WNK2: variants seen among roughly 807,000 people sequenced by gnomAD.
The protein encoded by WNK2 is WNK lysine deficient protein kinase 2.
Under a neutral mutation model 192.1 loss-of-function variants are expected in WNK2, and 67 were observed. The observed-to-expected ratio is 0.35, with a 90% CI of 0.29 to 0.43. The LOEUF (loss-of-function observed/expected upper bound fraction) is 0.43, where lower values mean the gene tolerates loss of function less well. Ranked by LOEUF, WNK2 falls within the 20% of genes least tolerant of loss-of-function variation. The pLI is 1.00. For synonymous variants in WNK2, 1,439 were observed against 1,393.9 expected, an observed-to-expected ratio of 1.03 and a Z score of -0.72; for missense variants, 2,698 against 3,089.7, an observed-to-expected ratio of 0.87 and a Z score of 3.01.
chr9:93,214,769 T>C (rs1220550368), intron 2 of WNK2, among the ~76,000 whole-genome samples: 2 of 149,036 alleles, frequency 1.3e-5, no homozygotes, highest in East Asian at 2.0e-4. Flanking sequence ...AGGAGTTTTA[T>C]ACTGTAATAT....
chr9:93,318,103 T>A, intron 29 of WNK2: 1 of 1,582,200 alleles, frequency 6.3e-7, no homozygotes, highest in Non-Finnish European at 8.6e-7. Context: ...GTCGTCACCC[T>A]GCAGAAGTAC....
At chr9:93,297,429 C>T (rs2134016358) in intron 23 of WNK2, among the ~76,000 whole-genome samples, 1 of 152,336 alleles carries the variant, frequency 6.6e-6, no homozygotes, top group Non-Finnish European at 1.5e-5. Context: ...AGCTGCCTTC[C>T]ACTGTCTGTT....
In WNK2 at chr9:93,289,173, G is replaced by A; in HGVS notation, c.4419G>A (p.Glu1473=). The A allele has an allele frequency of 6.2e-7, 1 of 1,600,284 alleles. No homozygotes were observed. Among genetic ancestry groups the A allele is most frequent in the Non-Finnish European group, 8.5e-7 (1 of 1,174,924 alleles). The change falls in exon 20 of 30, where the codon GAG becomes GAA. Residue 1473 remains glutamate (E), a synonymous_variant. Transcript: ENST00000427277. The part of the protein sequence containing the change: ...ASTRDASAPR[E]PLPPPAPEPS... ...CCAGGGACGCCAGTGCCCCAAGGGA[G>A]CCCCTGCCACCTCCTGCACCTGAGC... is the stretch of plus-strand genomic sequence containing the variant.
chr9:93,258,086 A>C (rs1443106707), intron 11 of WNK2, among the ~76,000 whole-genome samples: 1 of 152,220 alleles, frequency 6.6e-6, no homozygotes, highest in Non-Finnish European at 1.5e-5. Flanking sequence ...GACGTTAGGC[A>C]GCTTCAGGGT....
rs1412358536 is a variant in WNK2, at chr9:93,221,222, C to T, written c.682-8474C>T. On this transcript the variant is annotated intron_variant, in intron 2 of 29. Coordinates refer to ENST00000427277, the MANE Select transcript of WNK2 (RefSeq NM_006648.4). Reference sequence around the variant, plus strand: ...GGGACCCCCGACCTTCCCTGGACCTCCCCTTGCTGCTGGCTCTTATGCTGG... The same window carrying T: ...GGGACCCCCGACCTTCCCTGGACCTTCCCTTGCTGCTGGCTCTTATGCTGG... Among the ~76,000 whole-genome samples the T allele has an allele frequency of 5.9e-5, 9 of 152,234 alleles. No homozygotes were observed. In the South Asian group the frequency reaches 1.9e-3, roughly 32 times the overall value.
Position 93,289,283 on chromosome 9 carries a change from C to A in WNK2, c.4529C>A (p.Ala1510Asp). ...GCCGCAGTGGGGGCCGTCAGCCTGG[C>A]CACCTCCCAGCTCCCAAGCCCACCC... ...LPAAVGAVSLATSQLPSPPLG... is the reference protein window; with the variant it reads ...LPAAVGAVSLDTSQLPSPPLG... Residue 1510 changes from alanine (A) to aspartate (D), a missense_variant, in exon 20 of 30, where the codon GCC (alanine) becomes GAC (aspartate). By Grantham distance (126) the Ala-to-Asp change is moderately radical. Around this residue, in one of 7 missense-constraint regions of WNK2, gnomAD observed 1,098 missense variants for 1,101.0 expected, o/e 1.00. Transcript: ENST00000427277. 6.3e-7 allele frequency: 1 copy of A among 1,599,394 alleles called. No homozygotes were observed.
rs1346180995 is a variant in WNK2, at chr9:93,256,933, C to T, written c.2191-15C>T. On this transcript the variant is annotated splice_polypyrimidine_tract_variant and intron_variant, in intron 10 of 29. Coordinates refer to ENST00000427277, the MANE Select transcript of WNK2 (RefSeq NM_006648.4). ...AGATTGGTGGTCTAAGGGGAGCTACCTTCTCTCCCTCTAGCCTCCTCCGCT... is the reference window on the plus strand; with the variant it reads ...AGATTGGTGGTCTAAGGGGAGCTACTTTCTCTCCCTCTAGCCTCCTCCGCT... 6 of 1,543,002 alleles carry T rather than the reference C, an allele frequency of 3.9e-6. No individual in the cohort carries two copies. Among genetic ancestry groups the T allele is most frequent in the Non-Finnish European group, 5.2e-6 (6 of 1,150,488 alleles).
intron 26 of WNK2, among the ~76,000 whole-genome samples, chr9:93,304,634 G>T (rs905891720): frequency 1.3e-5 from 2 of 152,250 alleles, no homozygotes; most frequent in Non-Finnish European, 2.9e-5. Flanking sequence ...AGAGCGAGTG[G>T]CAGGGGGCCA....
intron 19 of WNK2, among the ~76,000 whole-genome samples, chr9:93,270,914 T>G (rs1845913861): frequency 6.6e-6 from 1 of 152,184 alleles, no homozygotes; most frequent in African/African-American, 2.4e-5. Flanking sequence ...ACCTTGTCAT[T>G]CATGGCACAG....
chr9:93,296,009 T>C, intron 23 of WNK2, among the ~76,000 whole-genome samples: 1 of 95,068 alleles, frequency 1.1e-5, no homozygotes, highest in African/African-American at 4.2e-5. Context: ...TCCCTCTCCA[T>C]TCTCCCCTCA....
chr9:93,190,985 C>T (rs1299650467), intron 2 of WNK2, among the ~76,000 whole-genome samples: 2 of 152,194 alleles, frequency 1.3e-5, no homozygotes, highest in Non-Finnish European at 2.9e-5. Context: ...CACATCAGGG[C>T]TGGAAGAGGC....
chr9:93,219,180 C>T (rs374330326), intron 2 of WNK2, among the ~76,000 whole-genome samples: 36 of 152,382 alleles, frequency 2.4e-4, no homozygotes, highest in South Asian at 4.1e-4. Context: ...TGCCTTGGCA[C>T]GAGGTGGCCC....
In WNK2 at chr9:93,264,000, C is replaced by T. The variant is rs751326487; in HGVS notation, c.3663C>T (p.Asp1221=). 5.3e-5 allele frequency: 86 copies of T among 1,613,118 alleles called. 3 individuals carry two copies. The South Asian group carries it at 8.4e-4, about 16-fold the overall frequency. Residue 1221 remains aspartate (D), a synonymous_variant, in exon 16 of 30, where the codon GAC becomes GAT. Coordinates refer to ENST00000427277, the MANE Select transcript of WNK2 (RefSeq NM_006648.4). ...TGGTGACCTTCAAGTTCGACTTGGACGGGGACGCACCCGATGAAATTGCCA... is the reference window on the plus strand; with the variant it reads ...TGGTGACCTTCAAGTTCGACTTGGATGGGGACGCACCCGATGAAATTGCCA... ...HKMVTFKFDL[D]GDAPDEIATY... is the part of the protein sequence containing the mutation.
At chr9:93,288,706 A>G (rs1848834096) in intron 19 of WNK2, 82 bp from the exon 20 acceptor site, 1 of 1,371,186 alleles carries the variant, frequency 7.3e-7, no homozygotes, top group Admixed American at 2.5e-5. Flanking sequence ...CAGCTGTGTA[A>G]GGCATCTTTT....
At chr9:93,192,455 C>T (rs1271697537) in intron 2 of WNK2, among the ~76,000 whole-genome samples, 1 of 152,044 alleles carries the variant, frequency 6.6e-6, no homozygotes, top group Non-Finnish European at 1.5e-5. Context: ...TTGGGACATG[C>T]TTAATCTGAG....
chr9:93,248,753 G>A (rs1389585195), intron 8 of WNK2, among the ~76,000 whole-genome samples: 1 of 152,222 alleles, frequency 6.6e-6, no homozygotes, highest in Non-Finnish European at 1.5e-5. Flanking sequence ...TGCACATACA[G>A]GCAGAAAAGT....
intron 2 of WNK2, among the ~76,000 whole-genome samples, chr9:93,188,889 C>T (rs1352040053): frequency 6.6e-6 from 1 of 152,192 alleles, no homozygotes; most frequent in Non-Finnish European, 1.5e-5. Context: ...CCACCCCTTG[C>T]TCTGCCACCT....
intron 2 of WNK2, among the ~76,000 whole-genome samples, chr9:93,200,096 C>G (rs1001082577): frequency 3.9e-5 from 6 of 152,174 alleles, no homozygotes; most frequent in Non-Finnish European, 7.4e-5. Context: ...TGCCCTAGTC[C>G]CCACCTGGGA....
chr9:93,230,918 C>G lies in WNK2; in HGVS notation c.885C>G (p.Pro295=), dbSNP rs1054840924. 1 of 1,613,718 alleles carries G rather than the reference C, an allele frequency of 6.2e-7. No individual in the cohort carries two copies. Among genetic ancestry groups the G allele is most frequent in the Non-Finnish European group, 8.5e-7 (1 of 1,179,868 alleles). Residue 295 remains proline, a synonymous_variant, in exon 4 of 30, where the codon CCC becomes CCG. Coordinates refer to ENST00000427277, the MANE Select transcript of WNK2 (RefSeq NM_006648.4). ...TYLKRFKVMK[P]KVLRSWCRQI... ...TGAAGCGGTTCAAGGTGATGAAGCC[C>G]AAGGTTCTCCGCAGCTGGTGCCGGC...
Sources: gnomAD v4.1 joint callset for allele counts (sites outside exome capture counted in the v4.1 genomes callset) on GRCh38, gnomAD v4.1.1 for gene constraint, gnomAD v4.1.1 regional missense constraint, MANE v1.5 for transcripts, NCBI Gene and HGNC (gene_info 2026-07-23, HGNC 2026-07-21) for gene names.